Variants in NTN1 observed in about 807,000 individuals in gnomAD.
NTN1 encodes the protein netrin-1.
A neutral mutation model predicts 54.2 loss-of-function variants in NTN1; 11 were observed. The ratio of observed to expected loss-of-function variants is 0.20; its 90% CI spans 0.13 to 0.34. The LOEUF (loss-of-function observed/expected upper bound fraction) is 0.34. NTN1 is among the 10% of genes least tolerant of loss of function. The pLI, the probability that NTN1 is intolerant of heterozygous loss-of-function variation, is 1.00. For synonymous variants in NTN1, 371 were observed against 382.0 expected (o/e 0.97, Z 0.33); for missense variants, 740 against 893.1 (o/e 0.83, Z 2.18).
chr17:9,012,531 CAAAACAAAAAAAAA>C, the NTN1 span, among the ~76,000 whole-genome samples: 1 of 56,774 alleles, frequency 1.8e-5, no homozygotes, highest in South Asian at 5.5e-4. Flanking sequence ...AAAACAAAAA[CAAAACAAAAAAAAA>C]AAAACAAGCT....
intron 2 of NTN1, among the ~76,000 whole-genome samples, chr17:9,024,322 G>A (rs1226430920): frequency 6.6e-6 from 1 of 152,208 alleles, no homozygotes; most frequent in Admixed American, 6.5e-5. Flanking sequence ...AAAGGGTGAG[G>A]GGAGGTAGCA....
At chr17:9,224,265 C>G (rs1905460698) in intron 6 of NTN1, among the ~76,000 whole-genome samples, 1 of 152,198 alleles carries the variant, frequency 6.6e-6, no homozygotes. Context: ...GGCAGCCCCT[C>G]TCTGTCTGCC....
intron 2 of NTN1, among the ~76,000 whole-genome samples, chr17:9,045,576 A>G (rs2091939183): frequency 6.6e-6 from 1 of 152,250 alleles, no homozygotes; most frequent in Non-Finnish European, 1.5e-5. Context: ...TGTGTTTCAC[A>G]GAATACCAGA....
At chr17:9,202,894 T>C (rs7221511) in intron 5 of NTN1, among the ~76,000 whole-genome samples, 1 of 152,070 alleles carries the variant, frequency 6.6e-6, no homozygotes, top group Non-Finnish European at 1.5e-5. Flanking sequence ...TGTTTCATGG[T>C]TTCATAATTT....
Position 9,069,109 on chromosome 17 carries a change from C to T in NTN1, c.1018+45718C>T, listed in dbSNP as rs546212903. 3.9e-5 allele frequency among the ~76,000 whole-genome samples: 6 copies of T among 152,168 alleles called. No homozygotes were observed. In the South Asian group the frequency reaches 8.3e-4, roughly 21 times the overall value. ...TGCCTCCTAGCCTGGCTTCCTCCAC[C>T]GTTCATCAAGACTTCAGTACCAGGA... On this transcript the variant is annotated intron_variant, in intron 2 of 6. Coordinates refer to ENST00000173229, the MANE Select transcript of NTN1 (RefSeq NM_004822.3).
chr17:9,003,306 T>G, the NTN1 span, among the ~76,000 whole-genome samples: 1 of 143,420 alleles, frequency 7.0e-6, no homozygotes, highest in African/African-American at 2.6e-5. The surrounding 1 kb of genome is among the most constrained non-coding windows in gnomAD (Gnocchi z 7.4). Flanking sequence ...TGCGCGGGGA[T>G]GGCGGGGGTG....
intron 2 of NTN1, among the ~76,000 whole-genome samples, chr17:9,074,421 T>A (rs529640652): frequency 6.6e-6 from 1 of 152,310 alleles, no homozygotes; most frequent in African/African-American, 2.4e-5. Flanking sequence ...GGCAGAGCCA[T>A]GGAGCGGGTG....
chr17:9,201,409 TCAG>T (rs1306348884), intron 5 of NTN1, among the ~76,000 whole-genome samples: 1 of 152,224 alleles, frequency 6.6e-6, no homozygotes, highest in Non-Finnish European at 1.5e-5. Flanking sequence ...GATTTGGACC[TCAG>T]GGCTACCATA....
intron 6 of NTN1, among the ~76,000 whole-genome samples, chr17:9,235,758 T>A (rs1179311898): frequency 8.6e-6 from 1 of 115,998 alleles, no homozygotes; most frequent in East Asian, 2.2e-4. Context: ...TTCTTTTTTT[T>A]TTTTTTGGAG....
intron 6 of NTN1, among the ~76,000 whole-genome samples, chr17:9,229,343 C>T (rs575193320): frequency 4.5e-4 from 68 of 152,294 alleles, no homozygotes; most frequent in Middle Eastern, 3.4e-3. Flanking sequence ...TGCTGGGACC[C>T]GGACTGGGCA....
chr17:9,208,672 G>C (rs1332323361), intron 5 of NTN1, among the ~76,000 whole-genome samples: 2 of 152,328 alleles, frequency 1.3e-5, no homozygotes, highest in Middle Eastern at 6.8e-3. Flanking sequence ...ATACCCAAGA[G>C]CTTAGGTCCT....
chr17:9,221,327 C>T lies in NTN1; in HGVS notation c.1486+85C>T, dbSNP rs77722551. 2,219 of 1,032,024 alleles carry T rather than the reference C, an allele frequency of 2.2e-3. 33 individuals carry two copies. In the African/African-American group the frequency reaches 0.031, roughly 14 times the overall value. 63.9% of individuals were successfully genotyped at this position (1,032,024 alleles called of 1,614,324 possible). On this transcript the variant is annotated intron_variant, in intron 6 of 6. Coordinates refer to ENST00000173229, the MANE Select transcript of NTN1 (RefSeq NM_004822.3). This position sits in a 1 kb window ranked among gnomAD's most constrained non-coding sequence, Gnocchi z 4.5. Reference sequence around the variant, plus strand: ...CTGGGGCTGGGGTGCAGCTGGCCCCCGATGGGTGTTGGTCGTGAAGACCCT... The same window carrying T: ...CTGGGGCTGGGGTGCAGCTGGCCCCTGATGGGTGTTGGTCGTGAAGACCCT...
At chr17:9,078,226 G>C (rs1021275235) in intron 2 of NTN1, among the ~76,000 whole-genome samples, 5 of 152,170 alleles carry the variant, frequency 3.3e-5, no homozygotes, top group African/African-American at 1.2e-4. Context: ...TCTAGAGTTA[G>C]ACAGGTAAGT....
chr17:9,198,775 A>G (rs186157434), intron 5 of NTN1, among the ~76,000 whole-genome samples: 17 of 152,312 alleles, frequency 1.1e-4, no homozygotes, highest in Admixed American at 9.8e-4. Flanking sequence ...TGTGGATCCT[A>G]CAGATCCCTA....
chr17:9,158,016 G>C (rs2092348038), intron 2 of NTN1, among the ~76,000 whole-genome samples: 1 of 152,208 alleles, frequency 6.6e-6, no homozygotes, highest in Admixed American at 6.5e-5. Context: ...GAGGGATCCA[G>C]ATGTGAGCTG....
intron 2 of NTN1, among the ~76,000 whole-genome samples, chr17:9,119,692 C>CT (rs1432598382): frequency 6.6e-6 from 1 of 151,488 alleles, no homozygotes; most frequent in Non-Finnish European, 1.5e-5. Flanking sequence ...TAGAGACAGT[C>CT]TCACTATATT....
At chr17:9,074,020 CTTTG>C (rs765021067) in intron 2 of NTN1, among the ~76,000 whole-genome samples, 6 of 152,146 alleles carry the variant, frequency 3.9e-5, no homozygotes, top group Non-Finnish European at 8.8e-5. Context: ...ACCTTGAGCT[CTTTG>C]TTTGGGGCCA....
At chr17:9,019,442 C>CA (rs1244668543), upstream of NTN1, among the ~76,000 whole-genome samples, 1 of 152,124 alleles carries the variant, frequency 6.6e-6, no homozygotes, top group Non-Finnish European at 1.5e-5. Flanking sequence ...ATCAAGCGAC[C>CA]TCATACTAAC....
In NTN1 at chr17:9,162,916, C is replaced by T; in HGVS notation, c.1122C>T (p.Asn374=). ...SGGVCLNCRH[N]TAGRHCHYCK... ...GTGTCTGCCTCAACTGTCGCCACAA[C>T]ACCGCCGGCCGCCACTGCCATTACT... The change falls in exon 3 of 7, where the codon AAC becomes AAT. Residue 374 remains asparagine (N), a synonymous_variant. Transcript: ENST00000173229. The T allele has an allele frequency of 6.2e-7, 1 of 1,609,952 alleles. No individual in the cohort carries two copies. Among genetic ancestry groups the T allele is most frequent in the Non-Finnish European group, 8.5e-7 (1 of 1,178,420 alleles).
Sources: gnomAD v4.1 joint callset for allele counts (sites outside exome capture counted in the v4.1 genomes callset) on GRCh38, gnomAD v4.1.1 for gene constraint, Gnocchi (gnomAD v3.1) non-coding constraint, MANE v1.5 for transcripts, NCBI Gene and HGNC (gene_info 2026-07-23, HGNC 2026-07-21) for gene names.